The following PFKFB4 variants were observed in gnomAD, a reference collection of about 807,000 sequenced individuals.
PFKFB4 encodes the protein 6-phosphofructo-2-kinase/fructose-2,6-biphosphatase 4.
Under a neutral mutation model 62.8 loss-of-function variants are expected in PFKFB4, and 42 were observed. The observed-to-expected ratio is 0.67, with a 90% confidence interval of 0.52 to 0.86. The LOEUF (loss-of-function observed/expected upper bound fraction) is 0.86, where lower values mean the gene tolerates loss of function less well. PFKFB4 is among the 40% of genes least tolerant of loss of function. PFKFB4 has a pLI of 0.00. For missense variants in PFKFB4, 475 were observed against 627.2 expected, an observed-to-expected ratio of 0.76 and a Z score of 2.59; for synonymous variants, 204 against 240.7, an observed-to-expected ratio of 0.85 and a Z score of 1.41.
chr3:48,556,149 T>A lies in PFKFB4; in HGVS notation c.97+532A>T. 1 of 457,208 alleles carries A rather than the reference T, an allele frequency of 2.2e-6. No individual in the cohort carries two copies. Among genetic ancestry groups the A allele is most frequent in the South Asian group, 1.5e-5 (1 of 64,582 alleles). 28.3% of individuals were successfully genotyped at this position (457,208 alleles called of 1,614,324 possible). On this transcript the variant is annotated intron_variant, in intron 1 of 13. Transcript: ENST00000232375. The surrounding 1 kb of genome is among the most constrained non-coding windows in gnomAD (Gnocchi z 5.7). ...TTTCTGTCTCTATCCTGAGCACATC[T>A]CTGCTGAAGTTCCTGCCCAAGCTCA...
intron 4 of PFKFB4, among the ~76,000 whole-genome samples, chr3:48,543,204 C>T (rs750366118): frequency 3.3e-5 from 5 of 152,196 alleles, no homozygotes; most frequent in African/African-American, 7.2e-5. Context: ...CCCCTTAATC[C>T]AGGATTCAGT....
chr3:48,553,044 C>T (rs2043202685), intron 1 of PFKFB4, among the ~76,000 whole-genome samples: 1 of 152,196 alleles, frequency 6.6e-6, no homozygotes, highest in Non-Finnish European at 1.5e-5. Flanking sequence ...AAGAAATTGC[C>T]AACTGAGGCA....
rs2042732147 is a variant in PFKFB4 at position 48,539,371 on chromosome 3, C to T, written c.454-61G>A. ...GGAGGAACACGGACATGTTCAGGGC[C>T]TCCCGCCTTGCTCCTCGGAGCTCTC... On this transcript the variant is annotated intron_variant, in intron 5 of 13. Transcript: ENST00000232375. The T allele has an allele frequency of 4.2e-6, 6 of 1,428,216 alleles. No homozygotes were observed. The Admixed American group carries it at 5.3e-5, about 13-fold the overall frequency. The allele number at this position is 1,428,216 out of a possible 1,614,324, so 88.5% of individuals were successfully genotyped here.
At chr3:48,557,621 C>G (rs1488681740), upstream of PFKFB4, among the ~76,000 whole-genome samples, 2 of 152,186 alleles carry the variant, frequency 1.3e-5, no homozygotes, top group African/African-American at 4.8e-5. Flanking sequence ...ACTGCAACCT[C>G]CGCCTCCCGG....
chr3:48,533,768 C>T (rs1005171678), intron 9 of PFKFB4, among the ~76,000 whole-genome samples: 2 of 151,096 alleles, frequency 1.3e-5, no homozygotes, highest in African/African-American at 4.8e-5. Context: ...GCACAAGAAT[C>T]GCTTGAACCC....
chr3:48,554,681 G>A (rs572900185), intron 1 of PFKFB4, among the ~76,000 whole-genome samples: 3 of 152,298 alleles, frequency 2.0e-5, no homozygotes, highest in African/African-American at 7.2e-5. Flanking sequence ...TGACTCAGAC[G>A]TAGTGAGAAG....
At chr3:48,543,304 T>C (rs1482990171) in intron 4 of PFKFB4, among the ~76,000 whole-genome samples, 2 of 152,210 alleles carry the variant, frequency 1.3e-5, no homozygotes, top group Non-Finnish European at 2.9e-5. Context: ...ACCTGATACC[T>C]GTAACTTCTG....
At chr3:48,558,345 G>C (rs1216164388), upstream of PFKFB4, among the ~76,000 whole-genome samples, 1 of 152,080 alleles carries the variant, frequency 6.6e-6, no homozygotes, top group African/African-American at 2.4e-5. Context: ...GCCCTCTAGC[G>C]ATGTCATCCA....
chr3:48,521,921 A>G lies in PFKFB4; in HGVS notation c.1350+65T>C. On this transcript the variant is annotated intron_variant, in intron 13 of 13. Transcript: ENST00000232375. This position sits in a 1 kb window ranked among gnomAD's most constrained non-coding sequence, Gnocchi z 5.3. ...CCGCAGCTGGGCCTGGCCCTGGAGG[A>G]TGTGCAGTCTGGACACCCCCACATC... The G allele has an allele frequency of 7.5e-7, 1 of 1,324,954 alleles. No homozygotes were observed. The highest frequency in any genetic ancestry group is 1.1e-6 in the Non-Finnish European group (1 of 915,896). 82.1% of individuals were successfully genotyped at this position (1,324,954 alleles called of 1,614,324 possible).
chr3:48,523,669 C>A (rs2042167548), intron 11 of PFKFB4, 32 bp downstream of exon 11: 1 of 1,613,976 alleles, frequency 6.2e-7, no homozygotes, highest in Non-Finnish European at 8.5e-7. Context: ...TCTCACACAA[C>A]CTTCCCACCT....
intron 1 of PFKFB4, among the ~76,000 whole-genome samples, chr3:48,551,811 C>G (rs2043165739): frequency 2.0e-5 from 3 of 152,148 alleles, no homozygotes; most frequent in Admixed American, 2.0e-4. Flanking sequence ...TCCCAAAGTG[C>G]TGGGATTACA....
chr3:48,525,319 G>A (rs548058729), intron 10 of PFKFB4, among the ~76,000 whole-genome samples: 2 of 152,316 alleles, frequency 1.3e-5, no homozygotes, highest in African/African-American at 4.8e-5. Flanking sequence ...GGGAGCCAAA[G>A]GTCTCCAGGT....
At chr3:48,561,200 G>A (rs975744339), upstream of PFKFB4, 17 of 683,344 alleles carry the variant, frequency 2.5e-5, no homozygotes, top group Middle Eastern at 4.2e-4. The surrounding 1 kb of genome is among the most constrained non-coding windows in gnomAD (Gnocchi z 5.2). Flanking sequence ...AGAGAGAAGC[G>A]ACTCCTGCGG....
At chr3:48,562,927 G>A (rs777083265), upstream of PFKFB4, 5 of 1,604,816 alleles carry the variant, frequency 3.1e-6, no homozygotes, top group Non-Finnish European at 4.3e-6. The surrounding 1 kb of genome is among the most constrained non-coding windows in gnomAD (Gnocchi z 4.3). Context: ...AGCCAGGGTG[G>A]CGGGTGGGGC....
intron 7 of PFKFB4, 65 bp downstream of exon 7, chr3:48,538,433 G>A: frequency 6.3e-7 from 1 of 1,587,996 alleles, no homozygotes; most frequent in African/African-American, 1.3e-5. Context: ...GCCATAGGAG[G>A]CAGCCAAGTA....
At chr3:48,536,704 G>T (rs962840930) in intron 7 of PFKFB4, 3 of 521,824 alleles carry the variant, frequency 5.7e-6, no homozygotes, top group African/African-American at 5.7e-5. Flanking sequence ...CACTCATCAT[G>T]CTTCCCAAAG....
chr3:48,554,690 A>G (rs990523593), intron 1 of PFKFB4, among the ~76,000 whole-genome samples: 1 of 152,208 alleles, frequency 6.6e-6, no homozygotes, highest in African/African-American at 2.4e-5. Context: ...CGTAGTGAGA[A>G]GCAAAGAAAG....
In PFKFB4 at chr3:48,545,256, C is replaced by T. The variant is rs572818515; in HGVS notation, c.312-1610G>A. Among the ~76,000 whole-genome samples, 16 of 152,202 alleles carry T rather than the reference C, an allele frequency of 1.1e-4. No individual in the cohort carries two copies. In the South Asian group the frequency reaches 1.7e-3, roughly 16 times the overall value. On this transcript the variant is annotated intron_variant, in intron 3 of 13. Transcript: ENST00000232375. ...AAGCAATTATCCTGCCTCAGCCTCT[C>T]GAGTAGCTGGGATTACAGGCATGTG... is the stretch of plus-strand genomic sequence containing the variant.
At chr3:48,559,380 T>G (rs1486099626), upstream of PFKFB4, 1 of 381,486 alleles carries the variant, frequency 2.6e-6, no homozygotes, top group East Asian at 7.6e-5. Context: ...AAACTGAGGG[T>G]CAGGAAGAGG....
Sources: allele counts gnomAD v4.1 joint callset (sites outside exome capture counted in the v4.1 genomes callset), GRCh38; gene constraint gnomAD v4.1.1; non-coding constraint Gnocchi (gnomAD v3.1); transcripts MANE v1.5; gene names NCBI Gene and HGNC (gene_info 2026-07-23, HGNC 2026-07-21).